PHACTR3: variants seen among roughly 807,000 people sequenced by gnomAD.
The protein encoded by PHACTR3 is phosphatase and actin regulator 3, also known as protein phosphatase 1, regulatory subunit 123.
PHACTR3 carries 16 observed loss-of-function variants against 66.8 expected under a neutral mutation model. The observed-to-expected ratio is 0.24, with a 90% confidence interval of 0.16 to 0.36. PHACTR3 has a LOEUF of 0.36. Among genes scored for constraint, PHACTR3 ranks in the 10% least tolerant of loss-of-function variants. PHACTR3 has a pLI of 1.00. For missense variants in PHACTR3, 647 were observed against 719.9 expected (o/e 0.90, Z 1.16); for synonymous variants, 323 against 292.1 (o/e 1.11, Z -1.08).
intron 2 of PHACTR3, among the ~76,000 whole-genome samples, chr20:59,744,991 C>T (rs967820138): frequency 6.6e-6 from 1 of 152,192 alleles, no homozygotes; most frequent in African/African-American, 2.4e-5. Flanking sequence ...GGGCCCCTTG[C>T]ACACACACGG....
chr20:59,669,472 G>A (rs1329546239), intron 1 of PHACTR3, among the ~76,000 whole-genome samples: 1 of 152,212 alleles, frequency 6.6e-6, no homozygotes, highest in East Asian at 1.9e-4. Flanking sequence ...CAGCTGTATT[G>A]AGAGATAATT....
intron 1 of PHACTR3, among the ~76,000 whole-genome samples, chr20:59,670,882 G>A (rs1339608107): frequency 1.3e-5 from 2 of 152,166 alleles, no homozygotes; most frequent in African/African-American, 2.4e-5. Flanking sequence ...GCCATCTCCT[G>A]GGCGTTGCTC....
chr20:59,682,327 G>A (rs1184941946), intron 1 of PHACTR3, among the ~76,000 whole-genome samples: 2 of 152,040 alleles, frequency 1.3e-5, no homozygotes, highest in Non-Finnish European at 2.9e-5. Context: ...GCAACAGAGT[G>A]AGACTCTGTC....
intron 7 of PHACTR3, among the ~76,000 whole-genome samples, chr20:59,794,816 G>T (rs896002941): frequency 6.6e-6 from 1 of 152,036 alleles, no homozygotes; most frequent in Non-Finnish European, 1.5e-5. Context: ...TTATCCAATT[G>T]TTCGTACTGT....
chr20:59,658,845 C>G (rs911277724), intron 1 of PHACTR3, among the ~76,000 whole-genome samples: 1 of 152,080 alleles, frequency 6.6e-6, no homozygotes, highest in Non-Finnish European at 1.5e-5. Flanking sequence ...GAGGGCTCTT[C>G]TTAGCTGTCT....
intron 1 of PHACTR3, among the ~76,000 whole-genome samples, chr20:59,647,302 C>T (rs915182028): frequency 6.6e-6 from 1 of 152,174 alleles, no homozygotes; most frequent in African/African-American, 2.4e-5. Context: ...AGGGGGGAAC[C>T]ACCCACATGA....
At chr20:59,706,642 C>G (rs2037713201) in intron 1 of PHACTR3, among the ~76,000 whole-genome samples, 1 of 152,232 alleles carries the variant, frequency 6.6e-6, no homozygotes, top group Non-Finnish European at 1.5e-5. Context: ...TCCCCAAGAG[C>G]TGGTAATTGG....
At chr20:59,644,753 T>C (rs2035225762) in intron 1 of PHACTR3, among the ~76,000 whole-genome samples, 1 of 152,200 alleles carries the variant, frequency 6.6e-6, no homozygotes, top group African/African-American at 2.4e-5. Context: ...AGCCTGGTGG[T>C]TCTCTGTCGC....
chr20:59,726,575 G>A (rs2038569577), intron 1 of PHACTR3, among the ~76,000 whole-genome samples: 1 of 152,116 alleles, frequency 6.6e-6, no homozygotes, highest in African/African-American at 2.4e-5. Context: ...TCTTGACTTG[G>A]TAGGGAGTTC....
chr20:59,624,074 G>A (rs565564172), intron 1 of PHACTR3, among the ~76,000 whole-genome samples: 1 of 152,290 alleles, frequency 6.6e-6, no homozygotes, highest in African/African-American at 2.4e-5. Context: ...GATTTGGAGG[G>A]TGGGGACATA....
intron 1 of PHACTR3, among the ~76,000 whole-genome samples, chr20:59,579,936 C>T (rs756341978): frequency 3.9e-5 from 6 of 152,116 alleles, no homozygotes; most frequent in Non-Finnish European, 8.8e-5. Context: ...CAGTGCATTC[C>T]TTCACTTTCC....
chr20:59,615,218 A>G (rs906406059), intron 1 of PHACTR3, among the ~76,000 whole-genome samples: 6 of 152,244 alleles, frequency 3.9e-5, no homozygotes, highest in African/African-American at 1.4e-4. Context: ...CGAAGAAACC[A>G]TGAAGGTAGT....
At chr20:59,804,504 A>T (rs1024416328) in intron 7 of PHACTR3, among the ~76,000 whole-genome samples, 1 of 152,166 alleles carries the variant, frequency 6.6e-6, no homozygotes, top group Non-Finnish European at 1.5e-5. Context: ...ATTATGAAGG[A>T]ATCTGTCCCG....
chr20:59,635,823 T>C (rs559274652), intron 1 of PHACTR3, among the ~76,000 whole-genome samples: 13 of 152,366 alleles, frequency 8.5e-5, no homozygotes, highest in Non-Finnish European at 1.2e-4. Context: ...TCCTGATTAA[T>C]GGCTGCAGGG....
chr20:59,787,586 G>A lies in PHACTR3; in HGVS notation c.1174+13096G>A, dbSNP rs181010314. ...TGTGGCTGTTGTTCTGCCAACAACC[G>A]TGGCACACACAAAAACCCTCACAGC... is the stretch of plus-strand genomic sequence containing the variant. On this transcript the variant is annotated intron_variant, in intron 7 of 12. Coordinates refer to ENST00000371015, the MANE Select transcript of PHACTR3 (RefSeq NM_080672.5). Among the ~76,000 whole-genome samples the A allele has an allele frequency of 4.3e-3, 652 of 152,276 alleles. 3 individuals carry two copies. The highest frequency in any genetic ancestry group is 0.015 in the African/African-American group (607 of 41,544).
intron 1 of PHACTR3, among the ~76,000 whole-genome samples, chr20:59,719,186 A>C (rs1348699274): frequency 6.6e-6 from 1 of 151,832 alleles, no homozygotes; most frequent in Non-Finnish European, 1.5e-5. Context: ...TTTTTTTTGA[A>C]ACAGAATCTC....
chr20:59,778,538 C>A (rs935176988), intron 7 of PHACTR3, among the ~76,000 whole-genome samples: 2 of 152,256 alleles, frequency 1.3e-5, no homozygotes, highest in Non-Finnish European at 2.9e-5. Context: ...TCTCACCCAA[C>A]CTTATTTCCC....
chr20:59,698,443 G>T (rs1215414524), intron 1 of PHACTR3, among the ~76,000 whole-genome samples: 9 of 151,876 alleles, frequency 5.9e-5, no homozygotes, highest in African/African-American at 1.2e-4. Context: ...AAAAAAAAAG[G>T]ATTTCACCTT....
At chr20:59,828,690 A>G (rs1333267549) in intron 8 of PHACTR3, among the ~76,000 whole-genome samples, 3 of 151,186 alleles carry the variant, frequency 2.0e-5, no homozygotes, top group Non-Finnish European at 2.9e-5. Flanking sequence ...TGGGGCCATC[A>G]CCCGGCATGG....
Sources: gnomAD v4.1 joint callset for allele counts (sites outside exome capture counted in the v4.1 genomes callset) on GRCh38, gnomAD v4.1.1 for gene constraint, MANE v1.5 for transcripts, NCBI Gene and HGNC (gene_info 2026-07-23, HGNC 2026-07-21) for gene names.